Variants in CACNA1C observed in about 807,000 individuals in gnomAD.
The protein encoded by CACNA1C is calcium voltage-gated channel subunit alpha1 C.
In CACNA1C, 30 loss-of-function variants were observed where a neutral mutation model predicts 229.0. That is an observed-to-expected ratio of 0.13 (90% CI 0.10 to 0.18). CACNA1C has a LOEUF of 0.18. Among genes scored for constraint, CACNA1C ranks in the 10% least tolerant of loss-of-function variants. CACNA1C has a pLI of 1.00. For synonymous variants in CACNA1C, 1,114 were observed against 1,132.5 expected, an observed-to-expected ratio of 0.98 and a Z score of 0.33; for missense variants, 1,658 against 2,845.0, an observed-to-expected ratio of 0.58 and a Z score of 9.49.
At chr12:2,550,842 G>A (rs1450178337) in intron 10 of CACNA1C, among the ~76,000 whole-genome samples, 2 of 152,176 alleles carry the variant, frequency 1.3e-5, no homozygotes, top group East Asian at 3.9e-4. Context: ...AGCCCATGTT[G>A]GGGAGGGAGA....
chr12:2,046,878 A>G (rs1218522798), intron 1 of CACNA1C, among the ~76,000 whole-genome samples: 2 of 152,134 alleles, frequency 1.3e-5, no homozygotes, highest in Non-Finnish European at 2.9e-5. Flanking sequence ...TGGAGATGTG[A>G]TGGAAGGGAG....
At chr12:2,402,522 C>G (rs1359419675) in intron 3 of CACNA1C, among the ~76,000 whole-genome samples, 1 of 152,228 alleles carries the variant, frequency 6.6e-6, no homozygotes, top group Admixed American at 6.5e-5. Context: ...CTGCCACTTG[C>G]TGCTGTGTGA....
At chr12:2,383,173 C>T (rs541118088) in intron 3 of CACNA1C, among the ~76,000 whole-genome samples, 73 of 152,168 alleles carry the variant, frequency 4.8e-4, no homozygotes, top group African/African-American at 1.6e-3. Flanking sequence ...AAGCACTAAA[C>T]GAGTGTAGCT....
At chr12:2,314,243 A>T (rs2095575967) in intron 3 of CACNA1C, among the ~76,000 whole-genome samples, 1 of 152,226 alleles carries the variant, frequency 6.6e-6, no homozygotes, top group South Asian at 2.1e-4. Flanking sequence ...TCAGATGCCC[A>T]GGGACATGTT....
chr12:2,304,683 C>T lies in CACNA1C; in HGVS notation c.478-144293C>T, dbSNP rs182359424. Reference sequence around the variant, plus strand: ...AAGCACATTCCCAGGAGGCTCTGGGCACATCCAGGCCTCCTTGAGGGCCAG... The same window carrying T: ...AAGCACATTCCCAGGAGGCTCTGGGTACATCCAGGCCTCCTTGAGGGCCAG... On this transcript the variant is annotated intron_variant, in intron 3 of 46. Coordinates refer to ENST00000399655, the MANE Select transcript of CACNA1C (RefSeq NM_000719.7). Among the ~76,000 whole-genome samples the T allele has an allele frequency of 3.3e-5, 5 of 152,280 alleles. No individual in the cohort carries two copies. The East Asian group carries it at 9.7e-4, about 30-fold the overall frequency.
chr12:2,217,800 T>C (rs2060360347), intron 3 of CACNA1C: 1 of 152,220 alleles, frequency 6.6e-6, no homozygotes, highest in Non-Finnish European at 1.5e-5. Flanking sequence ...ATGTTCACGA[T>C]CGGTGTGACC....
chr12:2,012,360 T>C (rs985258573), intron 1 of CACNA1C, among the ~76,000 whole-genome samples: 7 of 152,264 alleles, frequency 4.6e-5, no homozygotes, highest in South Asian at 4.1e-4. Context: ...GCCTGTCGTG[T>C]AAATAAAATT....
intron 1 of CACNA1C, among the ~76,000 whole-genome samples, chr12:2,098,133 G>A (rs181321650): frequency 4.6e-5 from 7 of 152,308 alleles, no homozygotes; most frequent in East Asian, 1.9e-4. Flanking sequence ...TTTTCCCACC[G>A]AACTTGGGGA....
intron 37 of CACNA1C, among the ~76,000 whole-genome samples, chr12:2,667,855 A>G (rs570603192): frequency 1.3e-5 from 2 of 152,268 alleles, no homozygotes; most frequent in African/African-American, 2.4e-5. Flanking sequence ...GAGCTGACAA[A>G]TAGCCCCCCT....
At chr12:2,449,551 C>G (rs968131431) in intron 4 of CACNA1C, among the ~76,000 whole-genome samples, 1 of 152,194 alleles carries the variant, frequency 6.6e-6, no homozygotes, top group African/African-American at 2.4e-5. Flanking sequence ...CAATTTGGTC[C>G]TAACTATGCT....
Position 2,654,384 on chromosome 12 carries a change from G to A in CACNA1C, c.4140+484G>A, listed in dbSNP as rs1289761765. Among the ~76,000 whole-genome samples the A allele has an allele frequency of 1.3e-5, 2 of 152,186 alleles. No homozygotes were observed. The highest frequency in any genetic ancestry group is 2.1e-4 in the South Asian group (1 of 4,822). On this transcript the variant is annotated intron_variant, in intron 33 of 46. Coordinates refer to ENST00000399655, the MANE Select transcript of CACNA1C (RefSeq NM_000719.7). The surrounding 1 kb of genome is among the most constrained non-coding windows in gnomAD (Gnocchi z 4.4). ...GCAAGGAAGGGCCAAATCAACACAAGGTTCACCGCATCAAATGTGCAGCAG... is the reference window on the plus strand; with the variant it reads ...GCAAGGAAGGGCCAAATCAACACAAAGTTCACCGCATCAAATGTGCAGCAG...
At chr12:2,383,559 A>G (rs565375210) in intron 3 of CACNA1C, among the ~76,000 whole-genome samples, 3 of 152,316 alleles carry the variant, frequency 2.0e-5, no homozygotes, top group South Asian at 2.1e-4. Context: ...AGGCGATCCA[A>G]TGAGACAGCA....
chr12:2,063,819 T>C (rs1327038335), intron 1 of CACNA1C, among the ~76,000 whole-genome samples: 2 of 152,244 alleles, frequency 1.3e-5, no homozygotes, highest in Non-Finnish European at 2.9e-5. Flanking sequence ...TTTCACCTTT[T>C]GGCTATTGTG....
intron 3 of CACNA1C, among the ~76,000 whole-genome samples, chr12:2,377,954 C>G (rs1355209980): frequency 1.1e-4 from 16 of 152,088 alleles, no homozygotes. Context: ...GGAATGAGAG[C>G]TGAGTGAATT....
chr12:2,501,209 C>CAAAAAAAAAA (rs59324696), intron 7 of CACNA1C, among the ~76,000 whole-genome samples: 355 of 31,370 alleles, frequency 0.011, 27 homozygotes, highest in Non-Finnish European at 0.014. Context: ...GACTCCACCT[C>CAAAAAAAAAA]AAAAAAAAAA....
At chr12:2,150,370 C>A (rs995681554) in intron 3 of CACNA1C, among the ~76,000 whole-genome samples, 3 of 152,206 alleles carry the variant, frequency 2.0e-5, no homozygotes, top group African/African-American at 4.8e-5. Context: ...ATTCCCCAGT[C>A]TCCCAACATT....
At chr12:2,175,521 G>A (rs1441471834) in intron 3 of CACNA1C, among the ~76,000 whole-genome samples, 1 of 152,132 alleles carries the variant, frequency 6.6e-6, no homozygotes, top group Non-Finnish European at 1.5e-5. Context: ...TGCCAGCTGT[G>A]GTTATGCCCC....
At chr12:2,238,985 C>A (rs533842759) in intron 3 of CACNA1C, among the ~76,000 whole-genome samples, 1 of 152,206 alleles carries the variant, frequency 6.6e-6, no homozygotes, top group Non-Finnish European at 1.5e-5. Flanking sequence ...GTGGGAATAA[C>A]ACTTGTTTCA....
chr12:2,095,792 G>T (rs753124184), intron 1 of CACNA1C, among the ~76,000 whole-genome samples: 5 of 152,230 alleles, frequency 3.3e-5, no homozygotes, highest in Non-Finnish European at 7.3e-5. Flanking sequence ...GTGGATTTAT[G>T]ATGCCAGAGA....
Sources: allele counts gnomAD v4.1 joint callset (sites outside exome capture counted in the v4.1 genomes callset), GRCh38; gene constraint gnomAD v4.1.1; non-coding constraint Gnocchi (gnomAD v3.1); transcripts MANE v1.5; gene names NCBI Gene and HGNC (gene_info 2026-07-23, HGNC 2026-07-21).